SGSM1: variants seen among roughly 807,000 people sequenced by gnomAD.
SGSM1 encodes RUN and TBC1 domain containing 2.
In SGSM1, 73 loss-of-function variants were observed where a neutral mutation model predicts 133.8. The observed-to-expected ratio is 0.55, with a 90% CI of 0.45 to 0.66. The LOEUF is 0.66. Ranked by LOEUF, SGSM1 falls within the 30% of genes least tolerant of loss-of-function variation. The probability of loss-of-function intolerance (pLI) is 0.00; values close to 1 mark genes in which losing one functional copy is unlikely to be tolerated. For synonymous variants in SGSM1, 563 were observed against 573.0 expected (o/e 0.98, Z 0.25); for missense variants, 1,213 against 1,448.1 (o/e 0.84, Z 2.64).
At position 24,917,701 on chromosome 22, in the gene SGSM1, A is replaced by T; in HGVS notation, c.2972A>T (p.Asp991Val). The change falls in exon 23 of 25, where the codon GAC becomes GTC. Residue 991 changes from aspartate (D) to valine (V), a missense_variant. By Grantham distance (152) the Asp-to-Val change is radical. Transcript: ENST00000400358. Reference protein sequence around the residue: ...ELFELMHQNGDYTHFYFCYRW... With the variant: ...ELFELMHQNGVYTHFYFCYRW... Reference sequence around the variant, plus strand: ...TTTGAGCTGATGCATCAGAACGGGGACTATACTCACTTCTACTTCTGCTAC... The same window carrying T: ...TTTGAGCTGATGCATCAGAACGGGGTCTATACTCACTTCTACTTCTGCTAC... The T allele has an allele frequency of 6.2e-7, 1 of 1,613,910 alleles. No individual in the cohort carries two copies. Among genetic ancestry groups the T allele is most frequent in the Non-Finnish European group, 8.5e-7 (1 of 1,179,974 alleles).
intron 13 of SGSM1, among the ~76,000 whole-genome samples, chr22:24,878,103 G>T (rs566222390): frequency 6.6e-6 from 1 of 152,066 alleles, no homozygotes; most frequent in Non-Finnish European, 1.5e-5. Context: ...GAGCCACCGC[G>T]CCCCGCCTGG....
intron 22 of SGSM1, among the ~76,000 whole-genome samples, chr22:24,913,955 G>A (rs1288201631): frequency 2.0e-5 from 3 of 151,748 alleles, no homozygotes; most frequent in Non-Finnish European, 4.4e-5. Flanking sequence ...AGGAGATCGA[G>A]ATCATCCTGG....
intron 16 of SGSM1, among the ~76,000 whole-genome samples, chr22:24,888,938 C>CT (rs1234715475): frequency 0.036 from 2,900 of 79,934 alleles, 34 homozygotes; most frequent in Non-Finnish European, 0.049. Context: ...TCATAGTCAC[C>CT]TTTTTTTTTT....
At chr22:24,864,088 G>T (rs961796460) in intron 9 of SGSM1, among the ~76,000 whole-genome samples, 5 of 152,170 alleles carry the variant, frequency 3.3e-5, no homozygotes, top group Middle Eastern at 6.8e-3. Flanking sequence ...GCACAGCCAC[G>T]ATCCTCACTC....
At chr22:24,834,990 C>G (rs1331344387) in intron 2 of SGSM1, among the ~76,000 whole-genome samples, 1 of 152,156 alleles carries the variant, frequency 6.6e-6, no homozygotes. Context: ...CAAACTGCGA[C>G]TCACTCAAGA....
chr22:24,869,233 A>T (rs931855509), intron 12 of SGSM1, among the ~76,000 whole-genome samples: 1 of 152,196 alleles, frequency 6.6e-6, no homozygotes, highest in African/African-American at 2.4e-5. Context: ...GCGGCCGGGC[A>T]TGGTGGCTCA....
chr22:24,867,193 A>G (rs1931506917), intron 10 of SGSM1, 33 bp downstream of exon 10: 11 of 1,604,876 alleles, frequency 6.9e-6, no homozygotes, highest in Non-Finnish European at 9.4e-6. Flanking sequence ...GGGTCTGCGT[A>G]TTCCTCTTGG....
chr22:24,889,574 T>C (rs1932768825), intron 16 of SGSM1, among the ~76,000 whole-genome samples: 1 of 151,770 alleles, frequency 6.6e-6, no homozygotes, highest in African/African-American at 2.4e-5. Flanking sequence ...CACACCTGCC[T>C]AATTTTCGTA....
intron 5 of SGSM1, among the ~76,000 whole-genome samples, chr22:24,853,642 T>C (rs1930606500): frequency 6.6e-6 from 1 of 152,026 alleles, no homozygotes; most frequent in East Asian, 1.9e-4. Flanking sequence ...AGTCTTGCTC[T>C]GTTGCCTGGG....
intron 8 of SGSM1, among the ~76,000 whole-genome samples, chr22:24,857,154 A>G (rs1930844053): frequency 6.6e-6 from 1 of 151,812 alleles, no homozygotes; most frequent in African/African-American, 2.4e-5. Context: ...CTGTAATCCC[A>G]GCACTTTGGG....
rs747774207 is a variant in SGSM1 at position 24,886,732 on chromosome 22, G to A, written c.1770+4G>A. On this transcript the variant is annotated splice_donor_region_variant and intron_variant, in intron 16 of 24. Transcript: ENST00000400358. The stretch of plus-strand genomic sequence containing the variant: ...GACGGAAACAGAAAGGAAAGAGGTC[G>A]GTTACCTGCCATGGGCACTGGGATC... The A allele has an allele frequency of 3.4e-5, 54 of 1,582,524 alleles. No homozygotes were observed. The Admixed American group carries it at 8.5e-4, about 25-fold the overall frequency.
chr22:24,878,992 A>C (rs940684409), intron 13 of SGSM1, among the ~76,000 whole-genome samples: 1 of 152,208 alleles, frequency 6.6e-6, no homozygotes, highest in African/African-American at 2.4e-5. Flanking sequence ...GCTTGCTTCT[A>C]TGATGGTTCC....
At chr22:24,921,209 C>G (rs192924587) in intron 24 of SGSM1, among the ~76,000 whole-genome samples, 1 of 152,144 alleles carries the variant, frequency 6.6e-6, no homozygotes, top group Admixed American at 6.5e-5. Context: ...AAGTGATTCT[C>G]CCGCCTCAGC....
At chr22:24,895,089 G>A (rs1932882695) in intron 17 of SGSM1, 134 bp from the exon 18 acceptor site, 1 of 833,222 alleles carries the variant, frequency 1.2e-6, no homozygotes, top group African/African-American at 1.7e-5. Flanking sequence ...GGAAACTGAT[G>A]CTCTGAGAGA....
At chr22:24,881,520 C>T (rs571744678) in intron 14 of SGSM1, among the ~76,000 whole-genome samples, 4 of 148,860 alleles carry the variant, frequency 2.7e-5, no homozygotes, top group Admixed American at 1.3e-4. Flanking sequence ...GAGTTGAGAT[C>T]GCGCCACTGC....
chr22:24,877,802 C>CTTTTTTTTTTTTTTTTTTTTTT (rs36036968), intron 13 of SGSM1, among the ~76,000 whole-genome samples: 2 of 75,420 alleles, frequency 2.7e-5, no homozygotes, highest in Admixed American at 1.9e-4. Context: ...TTCTTTCTTT[C>CTTTTTTTTTTTTTTTTTTTTTT]TTTTTTTTTT....
At chr22:24,809,368 A>G (rs1927601843) in intron 2 of SGSM1, among the ~76,000 whole-genome samples, 1 of 152,202 alleles carries the variant, frequency 6.6e-6, no homozygotes, top group Non-Finnish European at 1.5e-5. Context: ...ACACATATCT[A>G]CATGTGTCTG....
chr22:24,860,805 C>G (rs1931080386), intron 9 of SGSM1, among the ~76,000 whole-genome samples: 1 of 147,380 alleles, frequency 6.8e-6, no homozygotes, highest in Non-Finnish European at 1.5e-5. Context: ...GAGGGTGAGG[C>G]AGGAGAATTG....
chr22:24,893,407 G>A (rs1466714935), intron 16 of SGSM1, 24 bp from the exon 17 acceptor site: 2 of 1,611,688 alleles, frequency 1.2e-6, no homozygotes. Flanking sequence ...GACACCTCGG[G>A]TGACATTGCA....
Sources: gnomAD v4.1 joint callset for allele counts (sites outside exome capture counted in the v4.1 genomes callset) on GRCh38, gnomAD v4.1.1 for gene constraint, MANE v1.5 for transcripts, NCBI Gene and HGNC (gene_info 2026-07-23, HGNC 2026-07-21) for gene names.